Variants in GALNT17 observed in about 807,000 individuals in gnomAD.
GALNT17 encodes polypeptide N-acetylgalactosaminyltransferase 17, also known as UDP-GalNAc:polypeptide N-acetylgalactosaminyltransferase-like 3.
A neutral mutation model predicts 63.7 loss-of-function variants in GALNT17; 29 were observed. The observed-to-expected ratio is 0.46, with a 90% CI of 0.34 to 0.62. GALNT17 has a LOEUF of 0.62. Among genes scored for constraint, GALNT17 ranks in the 20% least tolerant of loss-of-function variants. GALNT17 has a pLI of 0.01. For missense variants in GALNT17, 603 were observed against 799.6 expected (o/e 0.75, Z 2.97); for synonymous variants, 305 against 318.3 (o/e 0.96, Z 0.45).
intron 5 of GALNT17, among the ~76,000 whole-genome samples, chr7:71,441,959 C>T (rs1025940783): frequency 1.3e-5 from 2 of 151,912 alleles, no homozygotes; most frequent in Non-Finnish European, 2.9e-5. Flanking sequence ...GTGTGTGTGT[C>T]TTTATAGTAG....
chr7:71,569,296 A>G (rs1353472228), intron 5 of GALNT17, among the ~76,000 whole-genome samples: 1 of 152,054 alleles, frequency 6.6e-6, no homozygotes, highest in African/African-American at 2.4e-5. Flanking sequence ...AGAATTTTGG[A>G]TACAAGAGGT....
chr7:71,487,353 T>C (rs548158765), intron 5 of GALNT17, among the ~76,000 whole-genome samples: 1 of 152,174 alleles, frequency 6.6e-6, no homozygotes, highest in East Asian at 1.9e-4. Context: ...TTACTTGATA[T>C]AGAATGGAGA....
intron 6 of GALNT17, among the ~76,000 whole-genome samples, chr7:71,637,222 T>C (rs1790540069): frequency 6.6e-6 from 1 of 152,194 alleles, no homozygotes; most frequent in African/African-American, 2.4e-5. Context: ...AGTCTTGCTC[T>C]GTTGCCAGGC....
intron 2 of GALNT17, among the ~76,000 whole-genome samples, chr7:71,379,446 G>T (rs1792803467): frequency 6.6e-6 from 1 of 152,104 alleles, no homozygotes; most frequent in East Asian, 1.9e-4. Context: ...GGTCATTCTG[G>T]TCGCAGTAGG....
chr7:71,622,616 A>T lies in GALNT17; in HGVS notation c.1081-42795A>T, dbSNP rs150013616. ...CACTTTAGGATCTAACACTTCCAGG[A>T]CACAACAGCTCTCATGAGTTGACCT... On this transcript the variant is annotated intron_variant, in intron 6 of 10. Transcript: ENST00000333538. Among the ~76,000 whole-genome samples the T allele has an allele frequency of 2.0e-3, 306 of 152,228 alleles. 3 individuals are homozygous for T. Among genetic ancestry groups the T allele is most frequent in the African/African-American group, 7.1e-3 (293 of 41,540 alleles).
chr7:71,462,727 T>A (rs1484273082), intron 5 of GALNT17, among the ~76,000 whole-genome samples: 1 of 152,156 alleles, frequency 6.6e-6, no homozygotes, highest in Non-Finnish European at 1.5e-5. Flanking sequence ...AAATGGTTGC[T>A]TTCTTTTGAG....
intron 1 of GALNT17, among the ~76,000 whole-genome samples, chr7:71,255,168 A>G (rs965121037): frequency 6.6e-6 from 1 of 152,224 alleles, no homozygotes; most frequent in Non-Finnish European, 1.5e-5. Context: ...TCCCCACCCA[A>G]ATCTCATCTT....
intron 6 of GALNT17, among the ~76,000 whole-genome samples, chr7:71,593,675 G>A (rs1584076743): frequency 6.6e-6 from 1 of 152,154 alleles, no homozygotes; most frequent in South Asian, 2.1e-4. Context: ...CTGCCTTACA[G>A]GAAACAAAGT....
chr7:71,520,195 G>A (rs560211006), intron 5 of GALNT17, among the ~76,000 whole-genome samples: 37 of 152,162 alleles, frequency 2.4e-4, no homozygotes, highest in African/African-American at 7.5e-4. Flanking sequence ...CTGATCTTTC[G>A]TGGGCTCTCC....
chr7:71,377,114 A>AAAAATAT lies in GALNT17; in HGVS notation c.423-11120_423-11119insAAATATA. On this transcript the variant is annotated intron_variant, in intron 2 of 10. Transcript: ENST00000333538. ...AAAAAAAAAAAATAAAAATAAAAAA[A>AAAAATAT]ATATATATATATATATATATATATA... 4.6e-3 allele frequency among the ~76,000 whole-genome samples: 262 copies of AAAAATAT among 57,414 alleles called. 29 individuals carry two copies. Among genetic ancestry groups the AAAAATAT allele is most frequent in the African/African-American group, 6.4e-3 (68 of 10,650 alleles). 37.7% of individuals were successfully genotyped at this position (57,414 alleles called of 152,430 possible). A position where few individuals can be genotyped will look rare whatever the true frequency, so the allele number is the denominator to read the frequency against.
intron 1 of GALNT17, among the ~76,000 whole-genome samples, chr7:71,180,971 C>T (rs1368555073): frequency 1.3e-5 from 2 of 152,056 alleles, no homozygotes; most frequent in African/African-American, 4.8e-5. Context: ...AAGTCATGGC[C>T]AGGCCAGGTG....
At chr7:71,469,967 G>C (rs767989050) in intron 5 of GALNT17, among the ~76,000 whole-genome samples, 2 of 152,214 alleles carry the variant, frequency 1.3e-5, no homozygotes, top group Non-Finnish European at 2.9e-5. Flanking sequence ...CCAACACTTT[G>C]GGAGGCTGAG....
chr7:71,407,969 A>T (rs140026755), intron 3 of GALNT17, among the ~76,000 whole-genome samples: 62 of 152,200 alleles, frequency 4.1e-4, no homozygotes, highest in African/African-American at 1.4e-3. Flanking sequence ...GGGTGATGAA[A>T]AAGTTCTAGA....
At chr7:71,580,432 G>A (rs1789619082) in intron 6 of GALNT17, among the ~76,000 whole-genome samples, 1 of 150,726 alleles carries the variant, frequency 6.6e-6, no homozygotes, top group Admixed American at 6.6e-5. Flanking sequence ...TAGATAGATA[G>A]ATAGATAGAT....
At chr7:71,137,300 C>T (rs1043405521) in intron 1 of GALNT17, among the ~76,000 whole-genome samples, 4 of 152,008 alleles carry the variant, frequency 2.6e-5, no homozygotes, top group Admixed American at 6.6e-5. Flanking sequence ...CCACCACGCC[C>T]GGCTAATTTT....
At chr7:71,140,986 A>G (rs1787878264) in intron 1 of GALNT17, among the ~76,000 whole-genome samples, 1 of 151,564 alleles carries the variant, frequency 6.6e-6, no homozygotes, top group Non-Finnish European at 1.5e-5. Context: ...GCATCACTGC[A>G]CTCCATCCAT....
intron 2 of GALNT17, among the ~76,000 whole-genome samples, chr7:71,336,007 CCTTCTTCTTCCTTCTTCTTTCTTCCTT>C (rs1791895674): frequency 8.4e-6 from 1 of 118,522 alleles, no homozygotes. Context: ...TCTTCTTCTT[CCTTCTTCTTCCTTCTTCTTTCTTCCTT>C]TTTTTTTTTT....
At chr7:71,171,172 A>G (rs895024234) in intron 1 of GALNT17, among the ~76,000 whole-genome samples, 11 of 152,228 alleles carry the variant, frequency 7.2e-5, no homozygotes, top group Admixed American at 2.0e-4. Flanking sequence ...GCTCAATATC[A>G]GTGTTGTTCA....
At chr7:71,164,974 TC>T (rs370742472) in intron 1 of GALNT17, among the ~76,000 whole-genome samples, 240 of 152,338 alleles carry the variant, frequency 1.6e-3, no homozygotes, top group African/African-American at 5.6e-3. Flanking sequence ...GCAAGGAGTC[TC>T]TGAAAGAAAT....
Sources: gnomAD v4.1 joint callset for allele counts (sites outside exome capture counted in the v4.1 genomes callset) on GRCh38, gnomAD v4.1.1 for gene constraint, MANE v1.5 for transcripts, NCBI Gene and HGNC (gene_info 2026-07-23, HGNC 2026-07-21) for gene names.